MACROD2: variants seen among roughly 807,000 people sequenced by gnomAD.
The protein encoded by MACROD2 is ADP-ribose glycohydrolase MACROD2.
In MACROD2, 36 loss-of-function variants were observed where a neutral mutation model predicts 70.4. The observed-to-expected ratio is 0.51, with a 90% CI of 0.39 to 0.68. MACROD2 has a LOEUF of 0.68. Ranked by LOEUF, MACROD2 falls within the 30% of genes least tolerant of loss-of-function variation. MACROD2 has a pLI of 0.00. For missense variants in MACROD2, 496 were observed against 538.4 expected (o/e 0.92, Z 0.78); for synonymous variants, 172 against 178.8 (o/e 0.96, Z 0.30).
chr20:14,311,331 A>G lies in MACROD2; in HGVS notation c.272-182148A>G, dbSNP rs185003280. Among the ~76,000 whole-genome samples the G allele has an allele frequency of 3.1e-3, 471 of 152,302 alleles. 2 individuals are homozygous for G. Among genetic ancestry groups the G allele is most frequent in the African/African-American group, 0.011 (442 of 41,572 alleles). On this transcript the variant is annotated intron_variant, in intron 3 of 17. Transcript: ENST00000684519. ...GTTACAATTGCTTACAGTATTCAGTATAGTAACATGCGGTACAGGTTTGCA... is the reference window on the plus strand; with the variant it reads ...GTTACAATTGCTTACAGTATTCAGTGTAGTAACATGCGGTACAGGTTTGCA...
At chr20:14,012,078 T>A (rs2052917360) in intron 2 of MACROD2, among the ~76,000 whole-genome samples, 2 of 152,032 alleles carry the variant, frequency 1.3e-5, no homozygotes, top group Admixed American at 1.3e-4. Flanking sequence ...AGCTAAATTT[T>A]GTATTTTTAG....
intron 5 of MACROD2, among the ~76,000 whole-genome samples, chr20:15,145,244 A>G (rs1051044583): frequency 1.3e-5 from 2 of 152,186 alleles, no homozygotes; most frequent in African/African-American, 4.8e-5. Flanking sequence ...GGTGAAAGAA[A>G]TACTCAAAAA....
intron 5 of MACROD2, among the ~76,000 whole-genome samples, chr20:14,766,218 G>A (rs143022393): frequency 2.4e-4 from 36 of 152,142 alleles, no homozygotes; most frequent in African/African-American, 8.0e-4. Flanking sequence ...AGGGAGTGCT[G>A]GCTTACACTG....
At chr20:14,585,951 C>A (rs889002431) in intron 4 of MACROD2, among the ~76,000 whole-genome samples, 1 of 151,924 alleles carries the variant, frequency 6.6e-6, no homozygotes, top group African/African-American at 2.4e-5. Flanking sequence ...CTAGGTAACA[C>A]AAAAAACAAT....
chr20:15,662,637 A>C (rs1465760289), intron 8 of MACROD2, among the ~76,000 whole-genome samples: 1 of 151,940 alleles, frequency 6.6e-6, no homozygotes, highest in African/African-American at 2.4e-5. Flanking sequence ...TTTGTTTAGC[A>C]AAGTTTGAAA....
At chr20:14,568,417 C>T (rs1030322607) in intron 4 of MACROD2, among the ~76,000 whole-genome samples, 2 of 151,948 alleles carry the variant, frequency 1.3e-5, no homozygotes, top group Non-Finnish European at 2.9e-5. Flanking sequence ...TTTAGCATTC[C>T]GTTCCTTTGA....
intron 2 of MACROD2, among the ~76,000 whole-genome samples, chr20:14,060,232 T>G (rs2148655097): frequency 6.6e-6 from 1 of 152,334 alleles, no homozygotes; most frequent in South Asian, 2.1e-4. Flanking sequence ...TCCCTCTATC[T>G]TAGTCTTTAA....
intron 8 of MACROD2, among the ~76,000 whole-genome samples, chr20:15,550,278 G>T (rs779059834): frequency 8.4e-4 from 124 of 148,094 alleles, no homozygotes; most frequent in Middle Eastern, 3.5e-3. Context: ...TTTAAAATAA[G>T]AAATATTTAA....
intron 5 of MACROD2, among the ~76,000 whole-genome samples, chr20:14,917,725 T>A (rs1411728415): frequency 6.6e-6 from 1 of 151,688 alleles, no homozygotes; most frequent in Non-Finnish European, 1.5e-5. Flanking sequence ...AAGAAAAAAA[T>A]TCAAGAAAGA....
At chr20:16,036,787 C>T (rs1389284607) in intron 15 of MACROD2, among the ~76,000 whole-genome samples, 1 of 151,976 alleles carries the variant, frequency 6.6e-6, no homozygotes, top group Non-Finnish European at 1.5e-5. Flanking sequence ...ACTTTCCAAA[C>T]AAACAACTCA....
chr20:14,553,009 TTAAC>T (rs1429376237), intron 4 of MACROD2, among the ~76,000 whole-genome samples: 1 of 152,052 alleles, frequency 6.6e-6, no homozygotes, highest in Non-Finnish European at 1.5e-5. Context: ...CAATAATAAA[TTAAC>T]TATAGCTTAT....
intron 8 of MACROD2, among the ~76,000 whole-genome samples, chr20:15,641,786 A>G (rs1179858724): frequency 2.6e-5 from 4 of 152,186 alleles, no homozygotes; most frequent in Admixed American, 2.0e-4. Flanking sequence ...TTATACTGCA[A>G]GGGAGATTTT....
intron 5 of MACROD2, among the ~76,000 whole-genome samples, chr20:14,953,649 C>T (rs2074494043): frequency 6.6e-6 from 1 of 152,102 alleles, no homozygotes; most frequent in African/African-American, 2.4e-5. Flanking sequence ...GTGCTCTGAC[C>T]CATCAGATGT....
At chr20:14,688,298 G>A (rs1430915067) in intron 5 of MACROD2, among the ~76,000 whole-genome samples, 1 of 152,164 alleles carries the variant, frequency 6.6e-6, no homozygotes, top group African/African-American at 2.4e-5. Context: ...CTGGGTTACA[G>A]ACAAACTTCA....
At chr20:15,882,031 T>C (rs1447283867) in intron 9 of MACROD2, among the ~76,000 whole-genome samples, 2 of 152,144 alleles carry the variant, frequency 1.3e-5, no homozygotes, top group African/African-American at 4.8e-5. Flanking sequence ...CCCTAAGAAG[T>C]TGATAATTTT....
intron 5 of MACROD2, among the ~76,000 whole-genome samples, chr20:14,946,744 G>A (rs376194027): frequency 1.5e-4 from 23 of 152,270 alleles, no homozygotes; most frequent in African/African-American, 5.5e-4. Flanking sequence ...CTTCCTAGTG[G>A]CAGGCACCTA....
intron 5 of MACROD2, among the ~76,000 whole-genome samples, chr20:15,106,527 A>G (rs1188300708): frequency 1.3e-5 from 2 of 152,204 alleles, no homozygotes; most frequent in Admixed American, 1.3e-4. Flanking sequence ...CTACAGTCCA[A>G]TCCAGGCTTG....
intron 5 of MACROD2, among the ~76,000 whole-genome samples, chr20:14,886,934 G>T (rs1300175864): frequency 6.6e-6 from 1 of 152,146 alleles, no homozygotes; most frequent in African/African-American, 2.4e-5. Context: ...GGCGTCTCTA[G>T]TGGGGAATTT....
At chr20:14,419,697 A>C (rs2083854055) in intron 3 of MACROD2, among the ~76,000 whole-genome samples, 1 of 152,202 alleles carries the variant, frequency 6.6e-6, no homozygotes, top group Admixed American at 6.5e-5. Context: ...ATTTAAATAA[A>C]ATCAAATGTT....
Sources: allele counts gnomAD v4.1 joint callset (sites outside exome capture counted in the v4.1 genomes callset), GRCh38; gene constraint gnomAD v4.1.1; transcripts MANE v1.5; gene names NCBI Gene and HGNC (gene_info 2026-07-23, HGNC 2026-07-21).